KCTD16: variants seen among roughly 807,000 people sequenced by gnomAD.
KCTD16 encodes BTB/POZ domain-containing protein KCTD16.
KCTD16 carries 13 observed loss-of-function variants against 33.2 expected under a neutral mutation model. That is an observed-to-expected ratio of 0.39 (90% confidence interval 0.25 to 0.62). The LOEUF is 0.62. KCTD16 is among the 20% of genes least tolerant of loss of function. The pLI, the probability that KCTD16 is intolerant of heterozygous loss-of-function variation, is 0.50. For synonymous variants in KCTD16, 197 were observed against 195.3 expected (o/e 1.01, Z -0.07); for missense variants, 441 against 525.1 (o/e 0.84, Z 1.57).
At chr5:144,397,495 C>T (rs998331702) in intron 3 of KCTD16, among the ~76,000 whole-genome samples, 4 of 152,326 alleles carry the variant, frequency 2.6e-5, no homozygotes, top group South Asian at 2.1e-4. Context: ...TGAGGAATTG[C>T]CACACTGTCT....
At chr5:144,183,944 C>A (rs1389782155) in intron 2 of KCTD16, among the ~76,000 whole-genome samples, 1 of 152,144 alleles carries the variant, frequency 6.6e-6, no homozygotes, top group African/African-American at 2.4e-5. Flanking sequence ...AATTTCAACT[C>A]CTTGAACTAC....
In KCTD16 at chr5:144,300,135, A is replaced by G. The variant is rs145270684; in HGVS notation, c.832+92589A>G. On this transcript the variant is annotated intron_variant, in intron 3 of 3. Transcript: ENST00000512467. Reference sequence around the variant, plus strand: ...AGATATGATCTTAGCACATGTTTGTATTATTAATATTACCAGAATAGTTTT... The same window carrying G: ...AGATATGATCTTAGCACATGTTTGTGTTATTAATATTACCAGAATAGTTTT... Among the ~76,000 whole-genome samples the G allele has an allele frequency of 2.9e-4, 44 of 152,262 alleles. No individual in the cohort carries two copies. In the East Asian group the frequency reaches 4.8e-3, roughly 17 times the overall value.
chr5:144,299,131 TATATATATATATA>T (rs1751329691), intron 3 of KCTD16, among the ~76,000 whole-genome samples: 9 of 30,246 alleles, frequency 3.0e-4, no homozygotes, highest in African/African-American at 3.4e-4. Flanking sequence ...TATATATATA[TATATATATATATA>T]TATATTTTTT....
chr5:144,195,778 A>T (rs1212370014), intron 2 of KCTD16, among the ~76,000 whole-genome samples: 1 of 152,240 alleles, frequency 6.6e-6, no homozygotes, highest in Non-Finnish European at 1.5e-5. Flanking sequence ...AATGTATAGT[A>T]ATGCAAAGTG....
intron 3 of KCTD16, among the ~76,000 whole-genome samples, chr5:144,468,242 A>G (rs1202560955): frequency 6.6e-6 from 1 of 152,206 alleles, no homozygotes; most frequent in Admixed American, 6.5e-5. Flanking sequence ...TAAGGATGGT[A>G]GCCACCTCCT....
At chr5:144,358,527 A>C (rs1751627163) in intron 3 of KCTD16, among the ~76,000 whole-genome samples, 1 of 152,158 alleles carries the variant, frequency 6.6e-6, no homozygotes, top group Admixed American at 6.6e-5. Flanking sequence ...GCCTTTTGTA[A>C]AGGTAAGATC....
At chr5:144,192,565 T>G (rs549380415) in intron 2 of KCTD16, among the ~76,000 whole-genome samples, 1 of 152,342 alleles carries the variant, frequency 6.6e-6, no homozygotes, top group African/African-American at 2.4e-5. Context: ...TTCTTCTAGT[T>G]CCTAGAGCTT....
At chr5:144,314,534 C>T (rs139952896) in intron 3 of KCTD16, among the ~76,000 whole-genome samples, 177 of 152,228 alleles carry the variant, frequency 1.2e-3, no homozygotes, top group African/African-American at 4.2e-3. Context: ...GGCTCACAAA[C>T]GCAGAGAGTG....
intron 3 of KCTD16, among the ~76,000 whole-genome samples, chr5:144,270,358 G>A (rs919233969): frequency 4.0e-5 from 6 of 151,720 alleles, no homozygotes; most frequent in Non-Finnish European, 7.4e-5. Context: ...TGACAACAAT[G>A]GGATTAAATT....
At chr5:144,332,158 T>C (rs1384045907) in intron 3 of KCTD16, among the ~76,000 whole-genome samples, 1 of 152,154 alleles carries the variant, frequency 6.6e-6, no homozygotes, top group African/African-American at 2.4e-5. Context: ...AAGCAGAGAA[T>C]GGTCTGCAAG....
chr5:144,269,969 A>G (rs931150468), intron 3 of KCTD16, among the ~76,000 whole-genome samples: 8 of 152,056 alleles, frequency 5.3e-5, no homozygotes, highest in African/African-American at 1.7e-4. Flanking sequence ...GCTACAAAGA[A>G]AACAGGTATA....
chr5:144,405,492 C>A (rs1371064514), intron 3 of KCTD16, among the ~76,000 whole-genome samples: 1 of 152,278 alleles, frequency 6.6e-6, no homozygotes, highest in East Asian at 1.9e-4. Flanking sequence ...GAGATGGAGA[C>A]CTGCCAGTAA....
At chr5:144,242,628 A>G (rs1754435771) in intron 3 of KCTD16, among the ~76,000 whole-genome samples, 1 of 152,194 alleles carries the variant, frequency 6.6e-6, no homozygotes, top group Non-Finnish European at 1.5e-5. Context: ...TATTTTGCTC[A>G]TGATTTGGCT....
intron 3 of KCTD16, among the ~76,000 whole-genome samples, chr5:144,458,243 CTG>C (rs1754116191): frequency 6.6e-6 from 1 of 152,166 alleles, no homozygotes; most frequent in Admixed American, 6.5e-5. Context: ...GGTGAGCAAA[CTG>C]AGGTTCAGTA....
At position 144,478,385 on chromosome 5, in the gene KCTD16, T is replaced by C. The variant is rs2127005842; in HGVS notation, c.*4271T>C. 1 of 152,202 alleles carries C rather than the reference T, an allele frequency of 6.6e-6. No individual in the cohort carries two copies. Among genetic ancestry groups the C allele is most frequent in the African/African-American group, 2.4e-5 (1 of 41,576 alleles). 9.4% of individuals were successfully genotyped at this position (152,202 alleles called of 1,614,324 possible). ...TTAAACTTTAATAATCACAGCCTTG[T>C]GATGCAAACACAGAGCTTATTTGTT... On this transcript the variant is annotated 3_prime_UTR_variant, in exon 4 of 4. Transcript: ENST00000512467.
chr5:144,228,977 G>T (rs1191151441), intron 3 of KCTD16, among the ~76,000 whole-genome samples: 4 of 152,178 alleles, frequency 2.6e-5, no homozygotes, highest in African/African-American at 9.7e-5. Flanking sequence ...TAGTAGTCCA[G>T]GACTGTGGGA....
At chr5:144,436,720 T>G (rs989759442) in intron 3 of KCTD16, among the ~76,000 whole-genome samples, 1 of 151,782 alleles carries the variant, frequency 6.6e-6, no homozygotes, top group Non-Finnish European at 1.5e-5. Flanking sequence ...CCTGAGTAGC[T>G]GGGATTACAG....
chr5:144,297,541 T>C (rs1756075592), intron 3 of KCTD16, among the ~76,000 whole-genome samples: 1 of 152,192 alleles, frequency 6.6e-6, no homozygotes, highest in Non-Finnish European at 1.5e-5. Context: ...CTCCTTTTAA[T>C]ATGGAGTAAA....
chr5:144,395,276 G>C (rs144086400), intron 3 of KCTD16, among the ~76,000 whole-genome samples: 1 of 152,126 alleles, frequency 6.6e-6, no homozygotes, highest in African/African-American at 2.4e-5. Flanking sequence ...TTTTTTCACA[G>C]ATAAGCATGG....
Sources: allele counts gnomAD v4.1 joint callset (sites outside exome capture counted in the v4.1 genomes callset), GRCh38; gene constraint gnomAD v4.1.1; transcripts MANE v1.5; gene names NCBI Gene and HGNC (gene_info 2026-07-23, HGNC 2026-07-21).